The following HOMER2 variants were observed in gnomAD, a reference collection of about 807,000 sequenced individuals.
HOMER2 encodes homer protein homolog 2.
A neutral mutation model predicts 47.0 loss-of-function variants in HOMER2; 27 were observed. The ratio of observed to expected loss-of-function variants is 0.57; its 90% confidence interval spans 0.42 to 0.79. The LOEUF is 0.79. HOMER2 is among the 30% of genes least tolerant of loss of function. HOMER2 has a pLI of 0.00. For synonymous variants in HOMER2, 161 were observed against 163.8 expected (o/e 0.98, Z 0.13); for missense variants, 443 against 435.0 (o/e 1.02, Z -0.16).
intron 1 of HOMER2, 51 bp downstream of exon 1, chr15:82,952,480 G>C (rs1401868120): frequency 5.2e-6 from 6 of 1,142,994 alleles, no homozygotes; most frequent in Admixed American, 4.5e-5. Context: ...CCGCGGCCCC[G>C]CAGTCCCTCC....
chr15:82,941,183 C>A (rs1260242600), intron 1 of HOMER2, among the ~76,000 whole-genome samples: 1 of 152,000 alleles, frequency 6.6e-6, no homozygotes, highest in Non-Finnish European at 1.5e-5. Flanking sequence ...GTGGCTCACA[C>A]CTGTAATCCC....
intron 1 of HOMER2, among the ~76,000 whole-genome samples, chr15:82,922,668 C>T (rs981973944): frequency 3.3e-5 from 5 of 152,094 alleles, no homozygotes; most frequent in Admixed American, 1.3e-4. Flanking sequence ...TACACAGGGC[C>T]AACTGCACTC....
At chr15:82,943,911 C>T (rs547810836) in intron 1 of HOMER2, among the ~76,000 whole-genome samples, 4 of 152,336 alleles carry the variant, frequency 2.6e-5, no homozygotes, top group East Asian at 3.9e-4. Context: ...TTTTAATACA[C>T]GGCTCTCACC....
intron 1 of HOMER2, among the ~76,000 whole-genome samples, chr15:82,924,466 G>A (rs993064410): frequency 1.3e-5 from 2 of 150,590 alleles, no homozygotes; most frequent in African/African-American, 2.4e-5. Flanking sequence ...TGGCTTGTGT[G>A]TGTAGACTTC....
At chr15:82,960,204 G>T (rs769617182) in intron 1 of HOMER2, among the ~76,000 whole-genome samples, 5 of 152,196 alleles carry the variant, frequency 3.3e-5, no homozygotes, top group African/African-American at 4.8e-5. Context: ...CCTCTCAAGA[G>T]GGGGAGAAGC....
chr15:82,906,981 C>T lies in HOMER2; in HGVS notation c.6-14140G>A, dbSNP rs558120654. Among the ~76,000 whole-genome samples the T allele has an allele frequency of 1.4e-4, 22 of 152,222 alleles. No homozygotes were observed. The South Asian group carries it at 4.1e-3, about 29-fold the overall frequency. ...AACAGCAAAGTGTCAAAATACATGCCAAAACTGACAGAACTACAAGAAAAA... is the reference window on the plus strand; with the variant it reads ...AACAGCAAAGTGTCAAAATACATGCTAAAACTGACAGAACTACAAGAAAAA... On this transcript the variant is annotated intron_variant, in intron 1 of 8. Transcript: ENST00000450735.
intron 1 of HOMER2, among the ~76,000 whole-genome samples, chr15:82,936,981 A>G (rs1357619591): frequency 6.6e-6 from 1 of 152,178 alleles, no homozygotes; most frequent in Admixed American, 6.6e-5. Flanking sequence ...AGGGGCCTGG[A>G]CCAAAAATAT....
At chr15:82,942,907 G>C (rs2054295936) in intron 1 of HOMER2, among the ~76,000 whole-genome samples, 1 of 152,178 alleles carries the variant, frequency 6.6e-6, no homozygotes, top group African/African-American at 2.4e-5. Context: ...ATGACTGGAA[G>C]CCAACTCTGG....
intron 1 of HOMER2, among the ~76,000 whole-genome samples, chr15:82,970,653 T>C (rs146139223): frequency 6.6e-6 from 1 of 152,286 alleles, no homozygotes; most frequent in Non-Finnish European, 1.5e-5. Flanking sequence ...ATGTCGAATG[T>C]AAAGGAAAAG....
At position 82,849,704 on chromosome 15, in the gene HOMER2, C is replaced by T; in HGVS notation, c.*11G>A. 1 of 1,610,244 alleles carries T rather than the reference C, an allele frequency of 6.2e-7. No individual in the cohort carries two copies. Among genetic ancestry groups the T allele is most frequent in the Non-Finnish European group, 8.5e-7 (1 of 1,178,300 alleles). ...TGGGACTCACGGGCGGGGCCTGGGC[C>T]TCGGCCAGCCCTAGTTATCGGTGCC... On this transcript the variant is annotated 3_prime_UTR_variant, in exon 9 of 9. Transcript: ENST00000450735.
intron 1 of HOMER2, among the ~76,000 whole-genome samples, chr15:82,971,368 TGAGA>T (rs910861264): frequency 6.7e-6 from 1 of 150,364 alleles, no homozygotes. Flanking sequence ...CTGAATCAGG[TGAGA>T]GAGAGAGAGA....
chr15:82,855,347 AAAGAAAAC>A (rs2051548425), intron 5 of HOMER2, among the ~76,000 whole-genome samples: 1 of 151,012 alleles, frequency 6.6e-6, no homozygotes, highest in South Asian at 2.1e-4. Flanking sequence ...AAAAAAAAAA[AAAGAAAAC>A]ACAATTCTTC....
chr15:82,946,390 T>C (rs564354873), intron 1 of HOMER2, among the ~76,000 whole-genome samples: 1 of 152,332 alleles, frequency 6.6e-6, no homozygotes, highest in East Asian at 1.9e-4. Flanking sequence ...CTCCCTGACC[T>C]CTTCACCTTC....
chr15:82,837,541 A>C (rs940400620), exon 2 of HOMER2: 1 of 152,246 alleles, frequency 6.6e-6, no homozygotes, highest in African/African-American at 2.4e-5. Flanking sequence ...GTGACGCAGG[A>C]ACAGCGAAGC....
Position 82,935,024 on chromosome 15 carries a change from T to TC in HOMER2, c.5+17506dup, listed in dbSNP as rs530964273. Among the ~76,000 whole-genome samples the TC allele has an allele frequency of 9.9e-4, 150 of 152,092 alleles. 1 individual carries two copies. The highest frequency in any genetic ancestry group is 3.5e-3 in the African/African-American group (147 of 41,472). On this transcript the variant is annotated intron_variant, in intron 1 of 8. Transcript: ENST00000450735. ...TGCATCTCTGTCATGGTGGCCTCCT[T>TC]CCCTGGGGCTCTGAACCACAGCCTC...
chr15:82,854,676 A>T lies in HOMER2; in HGVS notation c.619T>A (p.Cys207Ser). ...VEQWKRQFSI[C>S]RDENDRLRNK... is the part of the protein sequence containing the mutation. The stretch of plus-strand genomic sequence containing the variant: ...CGGAGCCGGTCATTCTCATCACGGC[A>T]GATGGAGAACTGCCTCTTCCACTGC... The change falls in exon 6 of 9, where the codon TGC becomes AGC. Residue 207 changes from cysteine to serine, a missense_variant. Physicochemically the swap from Cys to Ser is moderately radical, Grantham distance 112 (BLOSUM62 -1). Transcript: ENST00000450735. The T allele has an allele frequency of 1.2e-6, 2 of 1,613,134 alleles. No individual in the cohort carries two copies. Among genetic ancestry groups the T allele is most frequent in the East Asian group, 2.2e-5 (1 of 44,858 alleles).
chr15:82,904,336 G>A (rs530657895), intron 1 of HOMER2, among the ~76,000 whole-genome samples: 1 of 152,216 alleles, frequency 6.6e-6, no homozygotes, highest in Admixed American at 6.5e-5. Context: ...ACTACAATTG[G>A]GGAATTGCTG....
At chr15:82,897,061 A>ATATCT (rs2052947872) in intron 1 of HOMER2, among the ~76,000 whole-genome samples, 2 of 46,010 alleles carry the variant, frequency 4.3e-5, no homozygotes, top group Non-Finnish European at 1.1e-4. Context: ...ATTTGATGTC[A>ATATCT]TTTCTTTTTT....
In HOMER2 at chr15:82,852,155, C is replaced by A; in HGVS notation, c.749G>T (p.Arg250Leu). Reference sequence around the variant, plus strand: ...ACCATTACTCACTGTCTCCTTTTCTCGGAGCTCTGCCTCCAGCTCCTCGAT... The same window carrying A: ...ACCATTACTCACTGTCTCCTTTTCTAGGAGCTCTGCCTCCAGCTCCTCGAT... Reference protein sequence around the residue: ...RRIEELEAELREKETELKDLR... With the variant: ...RRIEELEAELLEKETELKDLR... Residue 250 changes from arginine to leucine, a missense_variant, in exon 7 of 9, where the codon CGA becomes CTA. Arg to Leu is a moderately radical substitution (Grantham distance 102, BLOSUM62 -2). Transcript: ENST00000450735. The A allele has an allele frequency of 6.2e-7, 1 of 1,612,904 alleles. No individual in the cohort carries two copies. Among genetic ancestry groups the A allele is most frequent in the Non-Finnish European group, 8.5e-7 (1 of 1,178,932 alleles).
Sources: allele counts gnomAD v4.1 joint callset (sites outside exome capture counted in the v4.1 genomes callset), GRCh38; gene constraint gnomAD v4.1.1; transcripts MANE v1.5; gene names NCBI Gene and HGNC (gene_info 2026-07-23, HGNC 2026-07-21).